The following MSRA variants were observed in gnomAD, a reference collection of about 807,000 sequenced individuals.
MSRA encodes the protein methionine sulfoxide reductase A.
A neutral mutation model predicts 31.3 loss-of-function variants in MSRA; 54 were observed. The ratio of observed to expected loss-of-function variants is 1.73; its 90% CI spans 1.39 to 2.17. The LOEUF is 2.17. MSRA is among the 30% of genes most tolerant of loss of function. The pLI is 0.00. For missense variants in MSRA, 507 were observed against 300.9 expected (o/e 1.69, Z -5.07); for synonymous variants, 169 against 116.5 (o/e 1.45, Z -2.90).
rs142390581 is a variant in MSRA at position 10,295,389 on chromosome 8, G to A, written c.332-6145G>A. 6.1e-3 allele frequency among the ~76,000 whole-genome samples: 923 copies of A among 152,056 alleles called. 12 individuals are homozygous for A. The highest frequency in any genetic ancestry group is 0.021 in the African/African-American group (890 of 41,464). ...TCCGGAAGGCACAGGCTCTGCTCTC[G>A]TTCTTACTCCTTCCTTCTCACACAG... On this transcript the variant is annotated intron_variant, in intron 3 of 5. Coordinates refer to ENST00000317173, the MANE Select transcript of MSRA (RefSeq NM_012331.5).
chr8:10,314,525 G>T (rs1801608379), intron 4 of MSRA, among the ~76,000 whole-genome samples: 1 of 152,210 alleles, frequency 6.6e-6, no homozygotes, highest in African/African-American at 2.4e-5. Context: ...CAAGCATTTA[G>T]AGCTCCAGGA....
At chr8:10,254,823 T>C (rs906819082) in intron 3 of MSRA, among the ~76,000 whole-genome samples, 2 of 152,250 alleles carry the variant, frequency 1.3e-5, no homozygotes, top group Non-Finnish European at 2.9e-5. Flanking sequence ...TATTAAGCTA[T>C]GCTAGAGCTG....
At chr8:10,213,940 C>T (rs1312840085) in intron 2 of MSRA, among the ~76,000 whole-genome samples, 2 of 152,070 alleles carry the variant, frequency 1.3e-5, no homozygotes, top group East Asian at 3.9e-4. Context: ...CAGTGAGAAA[C>T]CTTAATGTTG....
intron 1 of MSRA, among the ~76,000 whole-genome samples, chr8:10,182,873 A>T (rs546399798): frequency 6.6e-6 from 1 of 152,182 alleles, no homozygotes; most frequent in Non-Finnish European, 1.5e-5. Flanking sequence ...GCCATGTTCT[A>T]TTAGTGAGAA....
At chr8:10,212,634 G>C (rs1809604115) in intron 2 of MSRA, among the ~76,000 whole-genome samples, 1 of 152,184 alleles carries the variant, frequency 6.6e-6, no homozygotes, top group Non-Finnish European at 1.5e-5. Context: ...ATAAGAGTGA[G>C]GGAATTGATC....
At chr8:10,239,016 A>C (rs1260297435) in intron 2 of MSRA, among the ~76,000 whole-genome samples, 2 of 152,208 alleles carry the variant, frequency 1.3e-5, no homozygotes, top group East Asian at 3.8e-4. Flanking sequence ...AATAGCATTC[A>C]AAACATAAAA....
At chr8:10,255,406 G>A (rs1002502506) in intron 3 of MSRA, among the ~76,000 whole-genome samples, 2 of 152,222 alleles carry the variant, frequency 1.3e-5, no homozygotes, top group African/African-American at 4.8e-5. Context: ...CAAGGTCCCA[G>A]AGCATCCCGT....
intron 3 of MSRA, among the ~76,000 whole-genome samples, chr8:10,281,302 T>A (rs1799610590): frequency 6.6e-6 from 1 of 152,214 alleles, no homozygotes; most frequent in Non-Finnish European, 1.5e-5. Context: ...TCTCTGCCAT[T>A]CTCCTGGACT....
intron 1 of MSRA, among the ~76,000 whole-genome samples, chr8:10,184,614 A>AC (rs572862552): frequency 1.7e-4 from 26 of 152,172 alleles, no homozygotes; most frequent in Middle Eastern, 3.4e-3. Context: ...CATATTAAAA[A>AC]CAACTCTAAG....
intron 5 of MSRA, among the ~76,000 whole-genome samples, chr8:10,382,161 G>A (rs930421658): frequency 2.6e-5 from 4 of 152,206 alleles, no homozygotes; most frequent in Non-Finnish European, 4.4e-5. Context: ...GCCTTTGGCT[G>A]TGGTTGAGCT....
chr8:10,381,265 AT>A (rs1234916060), intron 5 of MSRA, among the ~76,000 whole-genome samples: 2 of 151,720 alleles, frequency 1.3e-5, no homozygotes, highest in Admixed American at 6.6e-5. Context: ...TCATCCCAGT[AT>A]TTTTCTCTCC....
chr8:10,257,014 A>T (rs113443161), intron 3 of MSRA, among the ~76,000 whole-genome samples: 21 of 152,312 alleles, frequency 1.4e-4, no homozygotes, highest in African/African-American at 5.1e-4. Flanking sequence ...AAATATTTTA[A>T]AAATATATTG....
At chr8:10,297,986 C>T (rs1482128258) in intron 3 of MSRA, among the ~76,000 whole-genome samples, 1 of 152,186 alleles carries the variant, frequency 6.6e-6, no homozygotes, top group African/African-American at 2.4e-5. Context: ...TCAGGTTTCT[C>T]CATTCAGAAG....
At chr8:10,349,185 G>A (rs1447003081) in intron 5 of MSRA, among the ~76,000 whole-genome samples, 1 of 152,218 alleles carries the variant, frequency 6.6e-6, no homozygotes, top group Non-Finnish European at 1.5e-5. Flanking sequence ...TGTTTAAATT[G>A]TTGAAGTTTA....
intron 1 of MSRA, among the ~76,000 whole-genome samples, chr8:10,059,467 T>G (rs669851): frequency 0.22 from 32,889 of 152,144 alleles, 3,746 homozygotes; most frequent in Admixed American, 0.3. Context: ...CTATAGAGTT[T>G]CTGGCCTTAA....
chr8:10,357,678 A>T (rs371766688), intron 5 of MSRA, among the ~76,000 whole-genome samples: 7 of 152,260 alleles, frequency 4.6e-5, no homozygotes, highest in East Asian at 1.9e-4. Flanking sequence ...CTTTCTTTTA[A>T]TCAGAAAAAA....
intron 4 of MSRA, among the ~76,000 whole-genome samples, chr8:10,317,702 T>C (rs1057164101): frequency 1.3e-5 from 2 of 152,224 alleles, no homozygotes; most frequent in African/African-American, 4.8e-5. Flanking sequence ...CTGCTTGCTT[T>C]CCTGGTACAT....
intron 5 of MSRA, among the ~76,000 whole-genome samples, chr8:10,412,722 C>G (rs888690076): frequency 6.6e-6 from 1 of 152,150 alleles, no homozygotes; most frequent in African/African-American, 2.4e-5. Context: ...AAAAGGTGCC[C>G]AGCATCATTA....
chr8:10,251,386 CT>C (rs1305200252), intron 3 of MSRA, among the ~76,000 whole-genome samples: 1 of 152,080 alleles, frequency 6.6e-6, no homozygotes, highest in Non-Finnish European at 1.5e-5. Flanking sequence ...CATTAAATCT[CT>C]TTTTAGTGCA....
Sources: gnomAD v4.1 joint callset for allele counts (sites outside exome capture counted in the v4.1 genomes callset) on GRCh38, gnomAD v4.1.1 for gene constraint, MANE v1.5 for transcripts, NCBI Gene and HGNC (gene_info 2026-07-23, HGNC 2026-07-21) for gene names.